PLA2G12A: variants seen among roughly 807,000 people sequenced by gnomAD.
PLA2G12A encodes phospholipase A2 group XIIA.
PLA2G12A carries 11 observed loss-of-function variants against 16.0 expected under a neutral mutation model. The observed-to-expected ratio is 0.69, with a 90% CI of 0.43 to 1.13. PLA2G12A has a LOEUF of 1.13. PLA2G12A is among the 50% of genes most tolerant of loss of function. The pLI, the probability that PLA2G12A is intolerant of heterozygous loss-of-function variation, is 0.00. For missense variants in PLA2G12A, 214 were observed against 237.3 expected, an observed-to-expected ratio of 0.90 and a Z score of 0.65; for synonymous variants, 77 against 93.8, an observed-to-expected ratio of 0.82 and a Z score of 1.03.
intron 3 of PLA2G12A, among the ~76,000 whole-genome samples, chr4:109,716,036 T>C (rs1180453015): frequency 6.6e-6 from 1 of 152,166 alleles, no homozygotes; most frequent in Non-Finnish European, 1.5e-5. Context: ...ACCACAGAAG[T>C]GGAGAGGCTA....
chr4:109,721,025 C>T (rs1730931622), intron 1 of PLA2G12A, among the ~76,000 whole-genome samples: 1 of 152,094 alleles, frequency 6.6e-6, no homozygotes, highest in Non-Finnish European at 1.5e-5. Context: ...GAGCCGAGAT[C>T]GTGCCATTGC....
At chr4:109,718,533 G>C (rs911750179) in intron 2 of PLA2G12A, 150 bp downstream of exon 2, 1 of 592,228 alleles carries the variant, frequency 1.7e-6, no homozygotes, top group Admixed American at 3.8e-5. Context: ...ACTTTTGTTA[G>C]TTTTGCCAAA....
chr4:109,717,926 G>A (rs950223388), intron 2 of PLA2G12A, among the ~76,000 whole-genome samples: 27 of 152,198 alleles, frequency 1.8e-4, no homozygotes, highest in African/African-American at 5.1e-4. Context: ...ATGCCTCACT[G>A]CTCCCTATTC....
intron 2 of PLA2G12A, among the ~76,000 whole-genome samples, chr4:109,718,023 G>A (rs1050332413): frequency 2.0e-5 from 3 of 152,142 alleles, no homozygotes; most frequent in Non-Finnish European, 4.4e-5. Flanking sequence ...AAAAAAGAAA[G>A]ATGAGGCTAA....
rs1002447708 is a variant in PLA2G12A, at chr4:109,729,838, C to G, written c.-29G>C. 5 of 1,535,244 alleles carry G rather than the reference C, an allele frequency of 3.3e-6. No homozygotes were observed. The highest frequency in any genetic ancestry group is 4.1e-5 in the Admixed American group (2 of 49,062). ...CGCAGCGCCGGGCTCTACGGGTCCC[C>G]GAGCCGCGGCGCGGGGCGCGTCCCC... is the stretch of plus-strand genomic sequence containing the variant. On this transcript the variant is annotated 5_prime_UTR_variant, in exon 1 of 4. Transcript: ENST00000243501.
chr4:109,719,734 G>A (rs1404914532), intron 1 of PLA2G12A, among the ~76,000 whole-genome samples: 5 of 152,104 alleles, frequency 3.3e-5, no homozygotes, highest in Non-Finnish European at 7.4e-5. Context: ...TCTATTAAGT[G>A]CTCAATAACA....
chr4:109,714,263 G>A lies in PLA2G12A; in HGVS notation c.*114C>T. The A allele has an allele frequency of 1.3e-6, 1 of 784,786 alleles. No individual in the cohort carries two copies. The highest frequency in any genetic ancestry group is 2.1e-6 in the Non-Finnish European group (1 of 465,852). 48.6% of individuals were successfully genotyped at this position (784,786 alleles called of 1,614,324 possible). A position where few individuals can be genotyped will look rare whatever the true frequency, so the allele number is the denominator to read the frequency against. ...ACATCAAGATATAAATTATTTTAAG[G>A]TCTCAAAATAATCCTTTCACAAAAA... On this transcript the variant is annotated 3_prime_UTR_variant, in exon 4 of 4. Coordinates refer to ENST00000243501, the MANE Select transcript of PLA2G12A (RefSeq NM_030821.5).
intron 1 of PLA2G12A, among the ~76,000 whole-genome samples, chr4:109,723,357 C>T (rs1465583800): frequency 3.9e-5 from 6 of 152,158 alleles, no homozygotes; most frequent in South Asian, 2.1e-4. Flanking sequence ...TCACCATTCT[C>T]GACTGCTGAG....
chr4:109,713,808 A>G lies in PLA2G12A; in HGVS notation c.*569T>C, dbSNP rs1730776502. 1 of 152,892 alleles carries G rather than the reference A, an allele frequency of 6.5e-6. No homozygotes were observed. The highest frequency in any genetic ancestry group is 2.4e-5 in the African/African-American group (1 of 41,462). 9.5% of individuals were successfully genotyped at this position (152,892 alleles called of 1,614,324 possible). On this transcript the variant is annotated 3_prime_UTR_variant, in exon 4 of 4. Coordinates refer to ENST00000243501, the MANE Select transcript of PLA2G12A (RefSeq NM_030821.5). Reference sequence around the variant, plus strand: ...CCTTGTCCTTGTAAGTAGTCCTAATAGAAATGTGACTTACTCATATGCTCA... The same window carrying G: ...CCTTGTCCTTGTAAGTAGTCCTAATGGAAATGTGACTTACTCATATGCTCA...
intron 1 of PLA2G12A, among the ~76,000 whole-genome samples, chr4:109,719,416 C>T (rs1377582802): frequency 6.6e-6 from 1 of 151,978 alleles, no homozygotes; most frequent in Non-Finnish European, 1.5e-5. Flanking sequence ...ACTTGATGAA[C>T]TACGGTACTC....
In PLA2G12A at chr4:109,729,855, C is replaced by A. The variant is rs1035131769; in HGVS notation, c.-46G>T. On this transcript the variant is annotated 5_prime_UTR_variant, in exon 1 of 4. Transcript: ENST00000243501. ...CGGGTCCCCGAGCCGCGGCGCGGGG[C>A]GCGTCCCCACAGAGTCCCCAGGACG... The A allele has an allele frequency of 1.1e-5, 16 of 1,509,100 alleles. No homozygotes were observed. The highest frequency in any genetic ancestry group is 1.3e-5 in the Non-Finnish European group (15 of 1,121,510). 93.5% of individuals were successfully genotyped at this position (1,509,100 alleles called of 1,614,324 possible). A position where few individuals can be genotyped will look rare whatever the true frequency, so the allele number is the denominator to read the frequency against.
At chr4:109,722,332 T>C (rs1171321820) in intron 1 of PLA2G12A, among the ~76,000 whole-genome samples, 1 of 152,208 alleles carries the variant, frequency 6.6e-6, no homozygotes, top group Non-Finnish European at 1.5e-5. Context: ...GACACTAGTT[T>C]CTCCTTTACT....
rs996738510 is a variant in PLA2G12A at position 109,730,025 on chromosome 4, T to C, written c.-216A>G. 10 of 485,884 alleles carry C rather than the reference T, an allele frequency of 2.1e-5. No homozygotes were observed. The highest frequency in any genetic ancestry group is 1.9e-4 in the African/African-American group (9 of 47,388). The allele number at this position is 485,884 out of a possible 1,614,324, so 30.1% of individuals were successfully genotyped here. On this transcript the variant is annotated 5_prime_UTR_variant, in exon 1 of 4. Coordinates refer to ENST00000243501, the MANE Select transcript of PLA2G12A (RefSeq NM_030821.5). ...CGTCGCGGGGACGCGCCCGCTCACCTGGACCAGCGCGCCCGCTCACCTGGG... is the reference window on the plus strand; with the variant it reads ...CGTCGCGGGGACGCGCCCGCTCACCCGGACCAGCGCGCCCGCTCACCTGGG...
intron 1 of PLA2G12A, among the ~76,000 whole-genome samples, chr4:109,727,181 G>A (rs1292051939): frequency 1.3e-5 from 2 of 151,824 alleles, no homozygotes; most frequent in African/African-American, 4.8e-5. Flanking sequence ...CACGGTCTCG[G>A]CTCACTGCAA....
In PLA2G12A at chr4:109,712,366, A is replaced by T. The variant is rs1730749214; in HGVS notation, c.*2011T>A. 6.6e-6 allele frequency: 1 copy of T among 152,108 alleles called. No homozygotes were observed. Among genetic ancestry groups the T allele is most frequent in the African/African-American group, 2.4e-5 (1 of 41,424 alleles). The allele number at this position is 152,108 out of a possible 1,614,324, so 9.4% of individuals were successfully genotyped here. A position where few individuals can be genotyped will look rare whatever the true frequency, so the allele number is the denominator to read the frequency against. On this transcript the variant is annotated 3_prime_UTR_variant, in exon 4 of 4. Coordinates refer to ENST00000243501, the MANE Select transcript of PLA2G12A (RefSeq NM_030821.5). ...AAAAACTGTTTCTACTGATTTTTGT[A>T]TAATTTGTGATCACGAATTATATTT...
In PLA2G12A at chr4:109,713,971, A is replaced by C. The variant is rs1287372141; in HGVS notation, c.*406T>G. 2.5e-5 allele frequency: 4 copies of C among 161,826 alleles called. No homozygotes were observed. The highest frequency in any genetic ancestry group is 4.1e-5 in the Non-Finnish European group (3 of 73,722). 10.0% of individuals were successfully genotyped at this position (161,826 alleles called of 1,614,324 possible). A position where few individuals can be genotyped will look rare whatever the true frequency, so the allele number is the denominator to read the frequency against. ...CATAGTAAACAAATACTTGTAAGTGATAATTTCCCCATTTTCCAAATAAGA... is the reference window on the plus strand; with the variant it reads ...CATAGTAAACAAATACTTGTAAGTGCTAATTTCCCCATTTTCCAAATAAGA... On this transcript the variant is annotated 3_prime_UTR_variant, in exon 4 of 4. Coordinates refer to ENST00000243501, the MANE Select transcript of PLA2G12A (RefSeq NM_030821.5).
In PLA2G12A at chr4:109,713,610, T is replaced by C. The variant is rs1730773163; in HGVS notation, c.*767A>G. On this transcript the variant is annotated 3_prime_UTR_variant, in exon 4 of 4. Coordinates refer to ENST00000243501, the MANE Select transcript of PLA2G12A (RefSeq NM_030821.5). ...CTTTTCTCTAACTTGGCAAAGGTTA[T>C]AGCAAAAGATGACATTTGTCATGTG... is the stretch of plus-strand genomic sequence containing the variant. 1 of 152,372 alleles carries C rather than the reference T, an allele frequency of 6.6e-6. No homozygotes were observed. The highest frequency in any genetic ancestry group is 1.9e-4 in the East Asian group (1 of 5,192). The allele number at this position is 152,372 out of a possible 1,614,324, so 9.4% of individuals were successfully genotyped here. A position where few individuals can be genotyped will look rare whatever the true frequency, so the allele number is the denominator to read the frequency against.
At chr4:109,720,296 T>C (rs556457066) in intron 1 of PLA2G12A, among the ~76,000 whole-genome samples, 7 of 152,094 alleles carry the variant, frequency 4.6e-5, no homozygotes, top group African/African-American at 9.7e-5. Flanking sequence ...GTTGGATACA[T>C]AGGAGTGACA....
Position 109,714,329 on chromosome 4 carries a change from A to G in PLA2G12A, c.*48T>C. The stretch of plus-strand genomic sequence containing the variant: ...TTGTAAAAACATTAGTTATTTGTCA[A>G]AGGTATGTTCTTCCATCTTCATCTG... On this transcript the variant is annotated 3_prime_UTR_variant, in exon 4 of 4. Transcript: ENST00000243501. The G allele has an allele frequency of 3.6e-6, 4 of 1,122,630 alleles. No homozygotes were observed. In the South Asian group the frequency reaches 5.0e-5, roughly 14 times the overall value. The allele number at this position is 1,122,630 out of a possible 1,614,324, so 69.5% of individuals were successfully genotyped here.
Sources: allele counts gnomAD v4.1 joint callset (sites outside exome capture counted in the v4.1 genomes callset), GRCh38; gene constraint gnomAD v4.1.1; transcripts MANE v1.5; gene names NCBI Gene and HGNC (gene_info 2026-07-23, HGNC 2026-07-21).